Variants in FAM135A observed in about 807,000 individuals in gnomAD.
FAM135A encodes the protein family with sequence similarity 135 member A, also known as protein FAM135A.
In FAM135A, 79 loss-of-function variants were observed where a neutral mutation model predicts 146.8. The ratio of observed to expected loss-of-function variants is 0.54; its 90% CI spans 0.45 to 0.65. FAM135A has a LOEUF of 0.65. Among genes scored for constraint, FAM135A ranks in the 30% least tolerant of loss-of-function variants. The probability of loss-of-function intolerance (pLI) is 0.00; values close to 1 mark genes in which losing one functional copy is unlikely to be tolerated. For synonymous variants in FAM135A, 562 were observed against 603.6 expected (o/e 0.93, Z 1.01); for missense variants, 1,623 against 1,758.2 (o/e 0.92, Z 1.38).
At chr6:70,503,492 A>G (rs940102739) in intron 12 of FAM135A, 3 of 152,176 alleles carry the variant, frequency 2.0e-5, no homozygotes, top group African/African-American at 7.2e-5. Flanking sequence ...TGCATAAAAC[A>G]GGCACATTTT....
rs1035192085 is a variant in FAM135A at position 70,527,827 on chromosome 6, T to C, written c.3615-465T>C. ...GAAAAATACAAATAACCTAATCTGC[T>C]AAATACTGTAACTCCATTCTCACTG... On this transcript the variant is annotated intron_variant, in intron 15 of 21. Transcript: ENST00000418814. 2.6e-5 allele frequency among the ~76,000 whole-genome samples: 4 copies of C among 152,150 alleles called. No homozygotes were observed. The East Asian group carries it at 5.8e-4, about 22-fold the overall frequency.
At chr6:70,473,898 G>A (rs1017462513) in intron 5 of FAM135A, among the ~76,000 whole-genome samples, 2 of 152,120 alleles carry the variant, frequency 1.3e-5, no homozygotes, top group Non-Finnish European at 2.9e-5. Flanking sequence ...CTGTAAAGAC[G>A]CTCTCTCCAT....
intron 12 of FAM135A, among the ~76,000 whole-genome samples, chr6:70,520,315 A>G (rs114437442): frequency 0.019 from 2,864 of 152,274 alleles, 96 homozygotes; most frequent in African/African-American, 0.065. Flanking sequence ...GACGTAAAAA[A>G]CATTTGTTCA....
In FAM135A at chr6:70,435,081, GTA is replaced by G. The variant is rs767689681; in HGVS notation, c.77+6690_77+6691del. On this transcript the variant is annotated intron_variant, in intron 4 of 21. Coordinates refer to ENST00000418814, the MANE Select transcript of FAM135A (RefSeq NM_001162529.3). ...TATATACGTGTGTGTGTGTGTGTGT[GTA>G]TATATATATATATATATATATATAT... Among the ~76,000 whole-genome samples, 547 of 94,226 alleles carry G rather than the reference GTA, an allele frequency of 5.8e-3. 9 individuals carry two copies. The highest frequency in any genetic ancestry group is 0.045 in the East Asian group (167 of 3,718). The allele number at this position is 94,226 out of a possible 152,430, so 61.8% of individuals were successfully genotyped here.
intron 3 of FAM135A, among the ~76,000 whole-genome samples, chr6:70,427,986 TTCC>T (rs1770593002): frequency 6.6e-6 from 1 of 152,172 alleles, no homozygotes; most frequent in Non-Finnish European, 1.5e-5. Context: ...ATTAAAAAAG[TTCC>T]TATCTATAAG....
intron 10 of FAM135A, among the ~76,000 whole-genome samples, chr6:70,489,626 C>G (rs1380140001): frequency 3.3e-5 from 5 of 152,074 alleles, no homozygotes; most frequent in Non-Finnish European, 7.4e-5. Context: ...AGAGAGTGAG[C>G]TAGCAGCAGC....
intron 2 of FAM135A, among the ~76,000 whole-genome samples, chr6:70,421,305 A>G (rs1219058689): frequency 1.3e-5 from 2 of 152,178 alleles, no homozygotes; most frequent in African/African-American, 2.4e-5. Flanking sequence ...TTGGATTTAA[A>G]TTTAAATTAA....
chr6:70,508,976 G>C lies in FAM135A; in HGVS notation c.1029+6185G>C, dbSNP rs556888745. Reference sequence around the variant, plus strand: ...GAAAACAAATTTTAAGCTTATTCTTGTGTGGAAGCAGGGCCTTTTGGAAAC... The same window carrying C: ...GAAAACAAATTTTAAGCTTATTCTTCTGTGGAAGCAGGGCCTTTTGGAAAC... On this transcript the variant is annotated intron_variant, in intron 12 of 21. Coordinates refer to ENST00000418814, the MANE Select transcript of FAM135A (RefSeq NM_001162529.3). Among the ~76,000 whole-genome samples, 10 of 152,262 alleles carry C rather than the reference G, an allele frequency of 6.6e-5. No homozygotes were observed. The East Asian group carries it at 1.9e-3, about 29-fold the overall frequency.
intron 4 of FAM135A, among the ~76,000 whole-genome samples, chr6:70,434,528 C>T (rs1411728607): frequency 1.3e-5 from 2 of 152,134 alleles, no homozygotes; most frequent in Non-Finnish European, 2.9e-5. Context: ...AAATAGTGTG[C>T]TTTGCAATAT....
intron 4 of FAM135A, among the ~76,000 whole-genome samples, chr6:70,435,081 G>GTATATA (rs767689681): frequency 2.3e-3 from 217 of 94,260 alleles, no homozygotes; most frequent in East Asian, 3.5e-3. Context: ...GTGTGTGTGT[G>GTATATA]TATATATATA....
intron 10 of FAM135A, among the ~76,000 whole-genome samples, chr6:70,483,060 C>G (rs974391007): frequency 6.6e-6 from 1 of 152,032 alleles, no homozygotes; most frequent in Non-Finnish European, 1.5e-5. Flanking sequence ...GTCACTGTTC[C>G]AGAACATAGT....
In FAM135A at chr6:70,536,932, T is replaced by A. The variant is rs7752725; in HGVS notation, c.4117+521T>A. On this transcript the variant is annotated intron_variant, in intron 19 of 21. Transcript: ENST00000418814. ...TCTCATCAACAAATATTTGGTACTTTGATTTTTTTTTTTTTTTTTTTTAGG... is the reference window on the plus strand; with the variant it reads ...TCTCATCAACAAATATTTGGTACTTAGATTTTTTTTTTTTTTTTTTTTAGG... Among the ~76,000 whole-genome samples the A allele has an allele frequency of 4.0e-3, 604 of 150,596 alleles. 3 individuals are homozygous for A. Among genetic ancestry groups the A allele is most frequent in the African/African-American group, 0.014 (584 of 40,728 alleles).
Position 70,525,257 on chromosome 6 carries a change from A to G in FAM135A, c.2173A>G (p.Ile725Val), listed in dbSNP as rs9455142. ...TTTGCAAGAAGCAAAGTGTCTTTCTATTGGAGAATCATTAACTAAATTACG... is the reference window on the plus strand; with the variant it reads ...TTTGCAAGAAGCAAAGTGTCTTTCTGTTGGAGAATCATTAACTAAATTACG... ...EALQEAKCLSIGESLTKLRSN... is the reference protein window; with the variant it reads ...EALQEAKCLSVGESLTKLRSN... Residue 725 changes from isoleucine to valine, a missense_variant, in exon 15 of 22, where the codon ATT becomes GTT. Physicochemically the swap from Ile to Val is conservative, Grantham distance 29. This residue lies in a region of FAM135A where 1,061 missense variants were observed against 1,113.8 expected (regional missense o/e 0.95). Transcript: ENST00000418814. 4.1e-3 allele frequency: 6,515 copies of G among 1,600,740 alleles called. 230 individuals are homozygous for G. In the African/African-American group the frequency reaches 0.077, roughly 19 times the overall value.
At chr6:70,505,704 G>A (rs1789607468) in intron 12 of FAM135A, among the ~76,000 whole-genome samples, 1 of 151,782 alleles carries the variant, frequency 6.6e-6, no homozygotes, top group South Asian at 2.1e-4. Context: ...GTTTCTAGTT[G>A]TTTGTGCCTT....
At chr6:70,428,224 A>G in intron 3 of FAM135A, 80 bp from the exon 4 acceptor site, 1 of 628,432 alleles carries the variant, frequency 1.6e-6, no homozygotes, top group Non-Finnish European at 2.6e-6. Context: ...CATATTCTAA[A>G]ATATGTATAA....
intron 10 of FAM135A, among the ~76,000 whole-genome samples, chr6:70,485,156 A>G (rs1429384453): frequency 6.6e-6 from 1 of 152,198 alleles, no homozygotes; most frequent in East Asian, 1.9e-4. Context: ...ACTTACTTAA[A>G]ATATATTTCT....
At chr6:70,526,766 T>A (rs45587732) in intron 15 of FAM135A, 68 bp downstream of exon 15, 26 of 451,502 alleles carry the variant, frequency 5.8e-5, no homozygotes, top group Non-Finnish European at 9.3e-5. Context: ...CACACACACA[T>A]ACACACACAC....
chr6:70,459,511 A>G (rs1779004989), intron 5 of FAM135A, among the ~76,000 whole-genome samples: 1 of 152,214 alleles, frequency 6.6e-6, no homozygotes, highest in Non-Finnish European at 1.5e-5. Context: ...TGGTAAGAAA[A>G]GCATTCATAG....
intron 4 of FAM135A, among the ~76,000 whole-genome samples, chr6:70,434,819 G>T (rs981811905): frequency 2.3e-4 from 35 of 152,210 alleles, no homozygotes; most frequent in African/African-American, 8.2e-4. Context: ...AATCCAGCAT[G>T]CTACTACTAA....
Sources: allele counts gnomAD v4.1 joint callset (sites outside exome capture counted in the v4.1 genomes callset), GRCh38; gene constraint gnomAD v4.1.1; regional missense constraint gnomAD v4.1.1; transcripts MANE v1.5; gene names NCBI Gene and HGNC (gene_info 2026-07-23, HGNC 2026-07-21).